The following TNXB variants were observed in gnomAD, a reference collection of about 807,000 sequenced individuals.
TNXB encodes the protein tenascin-X.
In TNXB, 183 loss-of-function variants were observed where a neutral mutation model predicts 340.5. The ratio of observed to expected loss-of-function variants is 0.54; its 90% CI spans 0.48 to 0.61. TNXB has a LOEUF of 0.61. TNXB is among the 20% of genes least tolerant of loss of function. The pLI, the probability that TNXB is intolerant of heterozygous loss-of-function variation, is 0.00. For missense variants in TNXB, 4,613 were observed against 5,446.4 expected, an observed-to-expected ratio of 0.85 and a Z score of 4.82; for synonymous variants, 2,121 against 2,314.5, an observed-to-expected ratio of 0.92 and a Z score of 2.40.
rs1374956887 is a variant in TNXB at position 32,082,349 on chromosome 6, A to G, written c.3446-23T>C. On this transcript the variant is annotated intron_variant, in intron 8 of 43. Coordinates refer to ENST00000644971, the MANE Select transcript of TNXB (RefSeq NM_001365276.2). The surrounding 1 kb of genome is among the most constrained non-coding windows in gnomAD (Gnocchi z 5.0). The stretch of plus-strand genomic sequence containing the variant: ...GCACTAGGAAGAGTGGGTAGAGAGA[A>G]GGGAGAGACTTAGGTCCAAGGAGAA... 3 of 1,569,522 alleles carry G rather than the reference A, an allele frequency of 1.9e-6. No individual in the cohort carries two copies. The highest frequency in any genetic ancestry group is 1.3e-5 in the African/African-American group (1 of 74,130).
chr6:32,055,843 ACACT>A lies in TNXB; in HGVS notation c.8467+4_8467+7del, dbSNP rs1348059772. On this transcript the variant is annotated splice_donor_5th_base_variant and intron_variant, in intron 24 of 43. Transcript: ENST00000644971. ...CTAGGGCCATCTTCCTCACTCACAAACACTCACCTGTCACACCCACGGTGGACAC... is the reference window on the plus strand; with the variant it reads ...CTAGGGCCATCTTCCTCACTCACAAACACCTGTCACACCCACGGTGGACAC... 6.2e-7 allele frequency: 1 copy of A among 1,606,204 alleles called. No individual in the cohort carries two copies. Among genetic ancestry groups the A allele is most frequent in the South Asian group, 1.1e-5 (1 of 90,920 alleles).
Position 32,070,607 on chromosome 6 carries a change from T to C in TNXB, c.4991-193A>G, listed in dbSNP as rs1042903820. 6.6e-5 allele frequency among the ~76,000 whole-genome samples: 10 copies of C among 152,134 alleles called. No homozygotes were observed. Among genetic ancestry groups the C allele is most frequent in the Non-Finnish European group, 1.2e-4 (8 of 68,006 alleles). ...CTTGACCCAAGTGGGGAGGGTCACC[T>C]GTCCTGAGTCACCTCCAGGAAAAGA... On this transcript the variant is annotated intron_variant, in intron 13 of 43. Transcript: ENST00000644971. This position sits in a 1 kb window ranked among gnomAD's most constrained non-coding sequence, Gnocchi z 6.0.
intron 21 of TNXB, among the ~76,000 whole-genome samples, chr6:32,060,593 C>T (rs1468482995): frequency 6.6e-6 from 1 of 151,912 alleles, no homozygotes; most frequent in Non-Finnish European, 1.5e-5. Flanking sequence ...CTTGCCATGC[C>T]TGTTACTTTC....
At chr6:32,066,963 C>T (rs764735018) in intron 18 of TNXB, among the ~76,000 whole-genome samples, 9 of 151,872 alleles carry the variant, frequency 5.9e-5, no homozygotes, top group Non-Finnish European at 8.8e-5. Flanking sequence ...CCCAGCTATT[C>T]GGGAGGCTGA....
At position 32,053,414 on chromosome 6, in the gene TNXB, C is replaced by T; in HGVS notation, c.8765G>A (p.Gly2922Asp). ...LYGFHGGQRVGPISVIGVTAA... is the reference protein window; with the variant it reads ...LYGFHGGQRVDPISVIGVTAA... ...TGTCACCCCAATGACAGAGATGGGG[C>T]CCACGCGCTGGCCACCGTGGAAGCC... Residue 2922 changes from glycine to aspartate, a missense_variant, in exon 25 of 44, where the codon GGC (glycine) becomes GAC (aspartate). This residue lies in a region of TNXB where 4,327 missense variants were observed against 4,859.4 expected (regional missense o/e 0.89). Transcript: ENST00000644971. 6.2e-7 allele frequency: 1 copy of T among 1,612,820 alleles called. No individual in the cohort carries two copies. The highest frequency in any genetic ancestry group is 8.5e-7 in the Non-Finnish European group (1 of 1,179,854).
In TNXB at chr6:32,080,017, C is replaced by A. The variant is rs1037585915; in HGVS notation, c.4043-652G>T. Among the ~76,000 whole-genome samples the A allele has an allele frequency of 6.6e-6, 1 of 152,084 alleles. No individual in the cohort carries two copies. The highest frequency in any genetic ancestry group is 2.4e-5 in the African/African-American group (1 of 41,416). ...GGGAAACCAGCCCTTCTGTGACCTG[C>A]TACATGGGGGACTACTTTGGGATAG... On this transcript the variant is annotated intron_variant, in intron 10 of 43. Coordinates refer to ENST00000644971, the MANE Select transcript of TNXB (RefSeq NM_001365276.2). This position sits in a 1 kb window ranked among gnomAD's most constrained non-coding sequence, Gnocchi z 4.3.
Position 32,047,353 on chromosome 6 carries a change from G to A in TNXB, c.10324+381C>T, listed in dbSNP as rs750749261. On this transcript the variant is annotated intron_variant, in intron 30 of 43. Coordinates refer to ENST00000644971, the MANE Select transcript of TNXB (RefSeq NM_001365276.2). The surrounding 1 kb of genome is among the most constrained non-coding windows in gnomAD (Gnocchi z 6.2). ...CCCTTTTCTTCCACCCCTCGGCTCC[G>A]AGTCAGGGAGGAGGGAGGAGGATGG... Among the ~76,000 whole-genome samples the A allele has an allele frequency of 1.3e-5, 2 of 152,160 alleles. No homozygotes were observed. The highest frequency in any genetic ancestry group is 2.9e-5 in the Non-Finnish European group (2 of 68,030).
rs775374149 is a variant in TNXB at position 32,068,790 on chromosome 6, C to G, written c.5902+32G>C. ...CTGTCCTCTGGACTCTCCCAGCCAT[C>G]TGAAAGGAGGCATAGTGGGCAGAGT... On this transcript the variant is annotated intron_variant, in intron 16 of 43. Transcript: ENST00000644971. This position sits in a 1 kb window ranked among gnomAD's most constrained non-coding sequence, Gnocchi z 5.3. 1 of 1,592,924 alleles carries G rather than the reference C, an allele frequency of 6.3e-7. No individual in the cohort carries two copies. Among genetic ancestry groups the G allele is most frequent in the South Asian group, 1.1e-5 (1 of 87,762 alleles).
intron 22 of TNXB, among the ~76,000 whole-genome samples, 169 bp from the exon 23 acceptor site, chr6:32,057,072 C>T (rs1456226525): frequency 2.0e-5 from 3 of 152,046 alleles, no homozygotes; most frequent in Non-Finnish European, 4.4e-5. Context: ...TCCTATCCCT[C>T]ACCCTGACCC....
In TNXB at chr6:32,067,413, G is replaced by T. The variant is rs944578057; in HGVS notation, c.6544+248C>A. Among the ~76,000 whole-genome samples, 15 of 152,138 alleles carry T rather than the reference G, an allele frequency of 9.9e-5. No individual in the cohort carries two copies. The highest frequency in any genetic ancestry group is 3.4e-4 in the African/African-American group (14 of 41,420). ...ATGTATAGAGTTCCAAGGAAAAGCGGAGAGCCACAAACCAGCCAGTGAATC... is the reference window on the plus strand; with the variant it reads ...ATGTATAGAGTTCCAAGGAAAAGCGTAGAGCCACAAACCAGCCAGTGAATC... On this transcript the variant is annotated intron_variant, in intron 18 of 43. Coordinates refer to ENST00000644971, the MANE Select transcript of TNXB (RefSeq NM_001365276.2). The surrounding 1 kb of genome is among the most constrained non-coding windows in gnomAD (Gnocchi z 4.2).
intron 33 of TNXB, 121 bp from the exon 34 acceptor site, chr6:32,044,250 T>G: frequency 1.7e-6 from 1 of 598,308 alleles, no homozygotes. Context: ...TCCCCAGGAA[T>G]GGAAGTCGCT....
In TNXB at chr6:32,058,206, C is replaced by G. The variant is rs2151903803; in HGVS notation, c.7677G>C (p.Arg2559Ser). ...FDSFTVQYKD[R>S]DGRPQAVRVG... The stretch of plus-strand genomic sequence containing the variant: ...CACGCACCGCCTGGGGCCGCCCGTC[C>G]CTGTCCTTGTACTGCACGGTGAAGG... Residue 2559 changes from arginine (R) to serine (S), a missense_variant, in exon 22 of 44, where the codon AGG becomes AGC. Arg to Ser is a moderately radical substitution (Grantham distance 110, BLOSUM62 -1). Coordinates refer to ENST00000644971, the MANE Select transcript of TNXB (RefSeq NM_001365276.2). This position sits in a 1 kb window ranked among gnomAD's most constrained non-coding sequence, Gnocchi z 5.1. 2 of 1,612,528 alleles carry G rather than the reference C, an allele frequency of 1.2e-6. No homozygotes were observed. The highest frequency in any genetic ancestry group is 1.7e-6 in the Non-Finnish European group (2 of 1,179,858).
intron 24 of TNXB, among the ~76,000 whole-genome samples, chr6:32,054,406 T>A (rs995939411): frequency 1.3e-5 from 2 of 152,158 alleles, no homozygotes; most frequent in Non-Finnish European, 2.9e-5. Flanking sequence ...AGTGGTCCCC[T>A]CCTCTGCTCC....
chr6:32,049,154 T>C lies in TNXB; in HGVS notation c.9757+116A>G. On this transcript the variant is annotated intron_variant, in intron 28 of 43. Transcript: ENST00000644971. This position sits in a 1 kb window ranked among gnomAD's most constrained non-coding sequence, Gnocchi z 4.5. ...GGATGAGGCAGGATCATTAGCAACA[T>C]GGGAGAAAAGACAGAAACCTAGAGG... 1 of 1,363,098 alleles carries C rather than the reference T, an allele frequency of 7.3e-7. No homozygotes were observed. Among genetic ancestry groups the C allele is most frequent in the Non-Finnish European group, 9.7e-7 (1 of 1,028,466 alleles). The allele number at this position is 1,363,098 out of a possible 1,614,324, so 84.4% of individuals were successfully genotyped here. A position where few individuals can be genotyped will look rare whatever the true frequency, so the allele number is the denominator to read the frequency against.
intron 1 of TNXB, among the ~76,000 whole-genome samples, chr6:32,099,388 A>G (rs1370402450): frequency 6.6e-6 from 1 of 151,986 alleles, no homozygotes; most frequent in East Asian, 1.9e-4. Context: ...GCCCACCTCC[A>G]TGCCCAGCTA....
rs1214347731 is a variant in TNXB at position 32,085,805 on chromosome 6, A to G, written c.3093T>C (p.His1031=). The change falls in exon 7 of 44, where the codon CAT becomes CAC. Residue 1031 remains histidine, a synonymous_variant. Coordinates refer to ENST00000644971, the MANE Select transcript of TNXB (RefSeq NM_001365276.2). The surrounding 1 kb of genome is among the most constrained non-coding windows in gnomAD (Gnocchi z 6.4). Reference sequence around the variant, plus strand: ...AGGGCTTGCCCCCAGGAGGGACCCCATGAAGTGACAGCTCATACGGGGTTC... The same window carrying G: ...AGGGCTTGCCCCCAGGAGGGACCCCGTGAAGTGACAGCTCATACGGGGTTC... ...PPGTPYELSL[H]GVPPGGKPSD... is the part of the protein sequence containing the mutation. The G allele has an allele frequency of 1.3e-6, 2 of 1,593,740 alleles. No homozygotes were observed. The highest frequency in any genetic ancestry group is 1.7e-5 in the Admixed American group (1 of 59,498).
chr6:32,102,064 C>T (rs555376481), intron 1 of TNXB, among the ~76,000 whole-genome samples: 5 of 152,202 alleles, frequency 3.3e-5, no homozygotes, highest in Non-Finnish European at 5.9e-5. Flanking sequence ...CACTAGTTAT[C>T]GGGTAAATGT....
chr6:32,098,453 GTTTT>G (rs199972163), intron 1 of TNXB, among the ~76,000 whole-genome samples: 17 of 149,334 alleles, frequency 1.1e-4, no homozygotes, highest in Admixed American at 5.3e-4. Flanking sequence ...CCCTACACTG[GTTTT>G]TTTGTTTTGT....
intron 43 of TNXB, 114 bp downstream of exon 43, chr6:32,041,657 G>C: frequency 8.7e-7 from 1 of 1,154,314 alleles, no homozygotes; most frequent in African/African-American, 1.5e-5. Flanking sequence ...AGGCTGGCAT[G>C]ATTGTTCCAT....
Sources: gnomAD v4.1 joint callset for allele counts (sites outside exome capture counted in the v4.1 genomes callset) on GRCh38, gnomAD v4.1.1 for gene constraint, gnomAD v4.1.1 regional missense constraint, Gnocchi (gnomAD v3.1) non-coding constraint, MANE v1.5 for transcripts, NCBI Gene and HGNC (gene_info 2026-07-23, HGNC 2026-07-21) for gene names.